NUSAP1: variants seen among roughly 807,000 people sequenced by gnomAD.
NUSAP1 encodes nucleolar and spindle associated protein 1.
In NUSAP1, 32 loss-of-function variants were observed where a neutral mutation model predicts 52.8. The ratio of observed to expected loss-of-function variants is 0.61; its 90% CI spans 0.46 to 0.81. The LOEUF (loss-of-function observed/expected upper bound fraction) is 0.81, where lower values mean the gene tolerates loss of function less well. NUSAP1 is among the 40% of genes least tolerant of loss of function. NUSAP1 has a pLI of 0.00. For synonymous variants in NUSAP1, 195 were observed against 183.1 expected (o/e 1.06, Z -0.52); for missense variants, 499 against 522.3 (o/e 0.96, Z 0.43).
chr15:41,376,678 G>A (rs1016776890), intron 9 of NUSAP1, among the ~76,000 whole-genome samples: 2 of 151,738 alleles, frequency 1.3e-5, no homozygotes, highest in East Asian at 1.9e-4. Flanking sequence ...GCGACAGAAC[G>A]AGACTCTGTC....
intron 9 of NUSAP1, among the ~76,000 whole-genome samples, chr15:41,376,905 T>C (rs2049961664): frequency 6.6e-6 from 1 of 151,454 alleles, no homozygotes; most frequent in Admixed American, 6.6e-5. Flanking sequence ...TGAAACCCCG[T>C]CTCTACTAAA....
chr15:41,379,256 C>A (rs1211356811), intron 10 of NUSAP1, among the ~76,000 whole-genome samples: 3 of 151,398 alleles, frequency 2.0e-5, no homozygotes, highest in Admixed American at 6.6e-5. Flanking sequence ...ACCTGGTCAA[C>A]TTTGATTTCT....
chr15:41,333,097 G>C (rs1236959317), intron 1 of NUSAP1, 47 bp downstream of exon 1: 11 of 1,451,694 alleles, frequency 7.6e-6, no homozygotes, highest in Non-Finnish European at 1.0e-5. Flanking sequence ...GGCGGGAATA[G>C]CGGCCTCGGG....
In NUSAP1 at chr15:41,363,385, TA is replaced by T. The variant is rs202169493; in HGVS notation, c.661-2016del. The stretch of plus-strand genomic sequence containing the variant: ...ATATAAAATTATATACATATATATA[TA>T]TTTTTTTAGACAGAGTCTCACCCTG... On this transcript the variant is annotated intron_variant, in intron 6 of 10. Transcript: ENST00000559596. Among the ~76,000 whole-genome samples, 423 of 150,900 alleles carry T rather than the reference TA, an allele frequency of 2.8e-3. 3 individuals carry two copies. Among genetic ancestry groups the T allele is most frequent in the Non-Finnish European group, 4.6e-3 (310 of 67,826 alleles).
intron 3 of NUSAP1, among the ~76,000 whole-genome samples, chr15:41,350,371 A>G (rs2048734038): frequency 6.6e-6 from 1 of 152,224 alleles, no homozygotes; most frequent in Non-Finnish European, 1.5e-5. Flanking sequence ...CTGGCTAAAT[A>G]CAGACATTTG....
intron 3 of NUSAP1, among the ~76,000 whole-genome samples, chr15:41,349,994 T>A (rs1023009173): frequency 1.3e-5 from 2 of 152,112 alleles, no homozygotes; most frequent in Non-Finnish European, 2.9e-5. Context: ...CTTGAACTCC[T>A]GACCTCTGGT....
At chr15:41,375,599 C>A (rs980350163) in intron 8 of NUSAP1, 113 bp from the exon 9 acceptor site, 2 of 716,070 alleles carry the variant, frequency 2.8e-6, no homozygotes, top group Non-Finnish European at 4.8e-6. Flanking sequence ...GTGTGGGCCA[C>A]CATGCCCAGC....
chr15:41,371,097 A>G (rs2049665960), intron 7 of NUSAP1, among the ~76,000 whole-genome samples: 1 of 152,176 alleles, frequency 6.6e-6, no homozygotes, highest in Non-Finnish European at 1.5e-5. Flanking sequence ...TACCACACAA[A>G]TGAATGACAT....
chr15:41,358,984 GCCT>G (rs778159271), intron 6 of NUSAP1, among the ~76,000 whole-genome samples: 5 of 152,162 alleles, frequency 3.3e-5, no homozygotes, highest in Non-Finnish European at 7.4e-5. Context: ...AGGACTCAAA[GCCT>G]CCTCAAGTAA....
intron 1 of NUSAP1, among the ~76,000 whole-genome samples, chr15:41,335,511 ATATAC>A (rs1182252602): frequency 1.4e-5 from 2 of 138,146 alleles, no homozygotes; most frequent in Non-Finnish European, 3.0e-5. Context: ...TTTAGTATAG[ATATAC>A]TATATACTAA....
chr15:41,360,030 C>T (rs2049114298), intron 6 of NUSAP1, among the ~76,000 whole-genome samples: 1 of 151,586 alleles, frequency 6.6e-6, no homozygotes, highest in Admixed American at 6.6e-5. Context: ...GCGATCTTGC[C>T]TCACTGGAAC....
chr15:41,361,265 T>C (rs1477567887), intron 6 of NUSAP1, among the ~76,000 whole-genome samples: 1 of 151,800 alleles, frequency 6.6e-6, no homozygotes. Flanking sequence ...TGGTGGCGCA[T>C]GTCTGTAATC....
intron 6 of NUSAP1, among the ~76,000 whole-genome samples, chr15:41,362,928 G>A (rs746826320): frequency 1.4e-4 from 21 of 151,700 alleles, no homozygotes; most frequent in Non-Finnish European, 2.8e-4. Context: ...AGCTGAGATC[G>A]GGCCACTGTC....
At chr15:41,336,759 ACCTCAGCCT>A (rs151014353) in intron 1 of NUSAP1, among the ~76,000 whole-genome samples, 1,653 of 139,746 alleles carry the variant, frequency 0.012, 37 homozygotes, top group African/African-American at 0.042. Flanking sequence ...ACATCCTCCC[ACCTCAGCCT>A]CCTAAGTAGC....
intron 1 of NUSAP1, among the ~76,000 whole-genome samples, chr15:41,340,935 G>C (rs2048344930): frequency 1.3e-5 from 2 of 152,170 alleles, no homozygotes; most frequent in African/African-American, 4.8e-5. Flanking sequence ...CTGGACACAT[G>C]GCCCATGATA....
chr15:41,339,874 C>T (rs1477145640), intron 1 of NUSAP1, among the ~76,000 whole-genome samples: 1 of 151,964 alleles, frequency 6.6e-6, no homozygotes, highest in Non-Finnish European at 1.5e-5. Flanking sequence ...CTCCACCTCC[C>T]AGGTTCAAGT....
intron 1 of NUSAP1, among the ~76,000 whole-genome samples, chr15:41,340,402 A>G (rs1278393430): frequency 6.6e-6 from 1 of 151,950 alleles, no homozygotes; most frequent in Non-Finnish European, 1.5e-5. Flanking sequence ...ATTCATTTCT[A>G]GCTTTCTTGG....
At chr15:41,339,161 A>C (rs2048282045) in intron 1 of NUSAP1, among the ~76,000 whole-genome samples, 1 of 152,178 alleles carries the variant, frequency 6.6e-6, no homozygotes, top group Non-Finnish European at 1.5e-5. Flanking sequence ...GCCACATATT[A>C]GGTGATATTA....
intron 6 of NUSAP1, among the ~76,000 whole-genome samples, chr15:41,364,274 G>A (rs766452679): frequency 5.9e-5 from 9 of 152,006 alleles, no homozygotes; most frequent in South Asian, 2.1e-4. Context: ...TAGGCTGGGC[G>A]TGGTGGCTCA....
Sources: gnomAD v4.1 joint callset for allele counts (sites outside exome capture counted in the v4.1 genomes callset) on GRCh38, gnomAD v4.1.1 for gene constraint, MANE v1.5 for transcripts, NCBI Gene and HGNC (gene_info 2026-07-23, HGNC 2026-07-21) for gene names.